The following HYDIN variants were observed in gnomAD, a reference collection of about 807,000 sequenced individuals.
HYDIN encodes axonemal central pair apparatus protein HYDIN.
HYDIN carries 132 observed loss-of-function variants against 403.9 expected under a neutral mutation model. The observed-to-expected ratio is 0.33, with a 90% CI of 0.28 to 0.38. HYDIN has a LOEUF of 0.38. HYDIN is among the 10% of genes least tolerant of loss of function. The pLI is 1.00. For synonymous variants in HYDIN, 1,202 were observed against 1,891.7 expected, an observed-to-expected ratio of 0.64 and a Z score of 9.46; for missense variants, 2,827 against 5,009.5, an observed-to-expected ratio of 0.56 and a Z score of 13.15.
chr16:70,902,068 G>T (rs376660612), intron 52 of HYDIN, among the ~76,000 whole-genome samples: 1 of 150,380 alleles, frequency 6.6e-6, no homozygotes, highest in Non-Finnish European at 1.5e-5. Context: ...AAGGTCAACC[G>T]TATTTTCCTT....
intron 39 of HYDIN, 134 bp from the exon 40 acceptor site, chr16:70,955,682 G>T (rs2078212075): frequency 7.2e-6 from 4 of 558,856 alleles, no homozygotes; most frequent in South Asian, 6.9e-5. Flanking sequence ...TGTGGCTGGA[G>T]GTGTTAGCAG....
chr16:71,100,299 G>A (rs192683768), intron 10 of HYDIN, among the ~76,000 whole-genome samples: 5 of 152,316 alleles, frequency 3.3e-5, no homozygotes, highest in South Asian at 2.1e-4. Context: ...CAATGTCATC[G>A]AGAGTGTCCA....
At chr16:70,982,314 C>A (rs1261956266) in intron 28 of HYDIN, among the ~76,000 whole-genome samples, 2 of 151,050 alleles carry the variant, frequency 1.3e-5, no homozygotes, top group Non-Finnish European at 2.9e-5. Context: ...GTATCCTATA[C>A]AGAAGCTGAA....
chr16:70,841,627 T>C (rs2037829756), intron 75 of HYDIN, among the ~76,000 whole-genome samples: 1 of 152,176 alleles, frequency 6.6e-6, no homozygotes, highest in South Asian at 2.1e-4. Flanking sequence ...ATCGCCCTCA[T>C]GAATGGACTA....
chr16:71,207,176 T>C (rs2088343406), intron 1 of HYDIN, among the ~76,000 whole-genome samples: 1 of 152,078 alleles, frequency 6.6e-6, no homozygotes, highest in South Asian at 2.1e-4. Flanking sequence ...CAGCTAGAGA[T>C]AAAGGACAGG....
At chr16:71,178,801 T>C (rs1029888975) in intron 4 of HYDIN, 127 bp downstream of exon 4, 4 of 805,298 alleles carry the variant, frequency 5.0e-6, no homozygotes, top group Non-Finnish European at 7.7e-6. Flanking sequence ...AAAGAAGATG[T>C]TTTCATACTA....
chr16:70,904,478 C>CA (rs2076473858), intron 50 of HYDIN, among the ~76,000 whole-genome samples: 1 of 25,184 alleles, frequency 4.0e-5, no homozygotes, highest in Non-Finnish European at 9.5e-5. Context: ...ACTTGAGTAA[C>CA]TTTTTTTTTT....
chr16:71,194,972 C>A lies in HYDIN; in HGVS notation c.-23-8054G>T, dbSNP rs143715133. ...GCAAGCCAAGAGACGATGGGAGAAGCTACAGTGTTCTTTTTGACCCAGAAG... is the reference window on the plus strand; with the variant it reads ...GCAAGCCAAGAGACGATGGGAGAAGATACAGTGTTCTTTTTGACCCAGAAG... On this transcript the variant is annotated intron_variant, in intron 1 of 85. Coordinates refer to ENST00000393567, the MANE Select transcript of HYDIN (RefSeq NM_001270974.2). Among the ~76,000 whole-genome samples, 39 of 152,318 alleles carry A rather than the reference C, an allele frequency of 2.6e-4. No individual in the cohort carries two copies. In the East Asian group the frequency reaches 7.3e-3, roughly 29 times the overall value.
chr16:70,928,028 T>C (rs1021935310), intron 45 of HYDIN, among the ~76,000 whole-genome samples: 5 of 151,408 alleles, frequency 3.3e-5, no homozygotes, highest in Non-Finnish European at 7.4e-5. Flanking sequence ...ACAAGAGATG[T>C]AGAAAGCAGT....
At chr16:71,158,762 A>G (rs1399876283) in intron 6 of HYDIN, among the ~76,000 whole-genome samples, 1 of 150,106 alleles carries the variant, frequency 6.7e-6, no homozygotes, top group Non-Finnish European at 1.5e-5. Context: ...GCTCACTGCA[A>G]CCTCGAGCTC....
At chr16:71,153,968 T>G (rs1441895980) in intron 6 of HYDIN, among the ~76,000 whole-genome samples, 1 of 149,686 alleles carries the variant, frequency 6.7e-6, no homozygotes, top group Non-Finnish European at 1.5e-5. Context: ...AATTGCTAGT[T>G]TTTCAAAGTA....
intron 41 of HYDIN, among the ~76,000 whole-genome samples, chr16:70,946,726 A>C (rs1369374518): frequency 1.3e-5 from 2 of 152,186 alleles, no homozygotes; most frequent in African/African-American, 4.8e-5. Context: ...GTGGGAAAGC[A>C]GGATTGTGAT....
At chr16:71,039,753 T>G (rs2144190342) in intron 18 of HYDIN, among the ~76,000 whole-genome samples, 1 of 152,286 alleles carries the variant, frequency 6.6e-6, no homozygotes, top group Middle Eastern at 3.4e-3. Context: ...GGCAATTAAA[T>G]CTCCCACATT....
At chr16:71,068,512 A>C (rs554115031) in intron 14 of HYDIN, among the ~76,000 whole-genome samples, 1 of 151,404 alleles carries the variant, frequency 6.6e-6, no homozygotes, top group Non-Finnish European at 1.5e-5. Context: ...CTGTGGCTAG[A>C]AGGAAGAACA....
intron 1 of HYDIN, among the ~76,000 whole-genome samples, chr16:71,225,141 A>G (rs1334541777): frequency 6.6e-6 from 1 of 152,214 alleles, no homozygotes; most frequent in African/African-American, 2.4e-5. Context: ...GTGGAACAGC[A>G]TGAGAGCTCT....
intron 85 of HYDIN, 25 bp downstream of exon 85, chr16:70,809,758 A>T (rs1246246933): frequency 6.4e-7 from 1 of 1,561,134 alleles, no homozygotes; most frequent in African/African-American, 1.4e-5. Flanking sequence ...AGGGAAGGGC[A>T]GAAGGTAGAG....
chr16:71,065,615 T>C (rs1191791684), intron 15 of HYDIN, among the ~76,000 whole-genome samples: 1 of 152,222 alleles, frequency 6.6e-6, no homozygotes, highest in East Asian at 1.9e-4. Flanking sequence ...CCTTACTAAG[T>C]ACAACCTGTG....
intron 6 of HYDIN, among the ~76,000 whole-genome samples, chr16:71,157,943 C>CT (rs2085841018): frequency 6.8e-6 from 1 of 146,990 alleles, no homozygotes; most frequent in South Asian, 2.3e-4. Context: ...CTGACAGTGG[C>CT]TAGAACCATG....
chr16:70,812,280 A>G (rs1411281111), intron 84 of HYDIN, among the ~76,000 whole-genome samples: 1 of 141,486 alleles, frequency 7.1e-6, no homozygotes, highest in African/African-American at 2.7e-5. Flanking sequence ...ACTTGAGGCC[A>G]GGAGTTCAAG....
Sources: gnomAD v4.1 joint callset for allele counts (sites outside exome capture counted in the v4.1 genomes callset) on GRCh38, gnomAD v4.1.1 for gene constraint, MANE v1.5 for transcripts, NCBI Gene and HGNC (gene_info 2026-07-23, HGNC 2026-07-21) for gene names.